MTCL1: variants seen among roughly 807,000 people sequenced by gnomAD.
The protein encoded by MTCL1 is microtubule crosslinking factor 1.
MTCL1 carries 79 observed loss-of-function variants against 141.4 expected under a neutral mutation model. That is an observed-to-expected ratio of 0.56 (90% CI 0.47 to 0.67). The LOEUF (loss-of-function observed/expected upper bound fraction) is 0.67, where lower values mean the gene tolerates loss of function less well. Among genes scored for constraint, MTCL1 ranks in the 30% least tolerant of loss-of-function variants. The pLI is 0.00. For synonymous variants in MTCL1, 914 were observed against 875.8 expected (o/e 1.04, Z -0.77); for missense variants, 2,177 against 2,113.9 (o/e 1.03, Z -0.59).
At chr18:8,766,974 T>C (rs1365570975) in intron 4 of MTCL1, among the ~76,000 whole-genome samples, 3 of 152,196 alleles carry the variant, frequency 2.0e-5, no homozygotes, top group Non-Finnish European at 4.4e-5. Flanking sequence ...TCAGAGCAGC[T>C]CTCTAGCCTC....
At chr18:8,718,751 A>G in intron 3 of MTCL1, 103 bp downstream of exon 2, 1 of 1,028,982 alleles carries the variant, frequency 9.7e-7, no homozygotes, top group East Asian at 2.4e-5. Flanking sequence ...CTGTCTCTAC[A>G]GATTGCAGCA....
intron 6 of MTCL1, 86 bp from the exon 6 acceptor site, chr18:8,785,850 C>A (rs1341562133): frequency 1.3e-6 from 2 of 1,490,502 alleles, no homozygotes; most frequent in Non-Finnish European, 1.8e-6. Context: ...CCCCTCCCTG[C>A]CTCCACCCTT....
At position 8,779,119 on chromosome 18, in the gene MTCL1, G is replaced by C. The variant is rs753398593; in HGVS notation, c.417+1227G>C. ...TGGCGCCCCGGCGCAAGGTAGGCAC[G>C]TGGGCAGTCACCCGCTCAGGGTGCT... On this transcript the variant is annotated intron_variant, in intron 5 of 16. Coordinates refer to ENST00000359865, the Ensembl canonical transcript of MTCL1. This position sits in a 1 kb window ranked among gnomAD's most constrained non-coding sequence, Gnocchi z 4.1. Among the ~76,000 whole-genome samples, 6 of 152,250 alleles carry C rather than the reference G, an allele frequency of 3.9e-5. No individual in the cohort carries two copies. Among genetic ancestry groups the C allele is most frequent in the Non-Finnish European group, 8.8e-5 (6 of 68,040 alleles).
In MTCL1 at chr18:8,733,993, A is replaced by G. The variant is rs1444862536; in HGVS notation, c.357+13497A>G. Among the ~76,000 whole-genome samples the G allele has an allele frequency of 2.6e-5, 4 of 152,332 alleles. No homozygotes were observed. The East Asian group carries it at 7.7e-4, about 29-fold the overall frequency. ...CTTATTTGTAAACGAGGTTACTCACAGGGTCACCTAAGTAATAAGGCCCAG... is the reference window on the plus strand; with the variant it reads ...CTTATTTGTAAACGAGGTTACTCACGGGGTCACCTAAGTAATAAGGCCCAG... On this transcript the variant is annotated intron_variant, in intron 4 of 16. Transcript: ENST00000359865.
intron 13 of MTCL1, among the ~76,000 whole-genome samples, chr18:8,820,396 CAAG>C (rs1247336541): frequency 1.3e-5 from 2 of 151,698 alleles, no homozygotes; most frequent in Admixed American, 1.3e-4. Context: ...GGCGACAGAG[CAAG>C]ACTCCATCCA....
exon 6 of MTCL1, chr18:8,784,684 A>T (rs377495365): frequency 2.5e-6 from 4 of 1,614,064 alleles, no homozygotes; most frequent in Non-Finnish European, 3.4e-6. Context: ...CTTTCAAGAA[A>T]GAGCTGCAGG....
intron 4 of MTCL1, among the ~76,000 whole-genome samples, chr18:8,747,042 C>T (rs2096342575): frequency 6.6e-6 from 1 of 152,170 alleles, no homozygotes; most frequent in South Asian, 2.1e-4. Flanking sequence ...GATGCTCACC[C>T]TTCCGATGTC....
intron 10 of MTCL1, among the ~76,000 whole-genome samples, chr18:8,804,677 C>G (rs993246082): frequency 1.2e-4 from 18 of 152,220 alleles, no homozygotes; most frequent in Admixed American, 6.5e-4. Context: ...TAAATATGAA[C>G]AAACTGGCCT....
intron 4 of MTCL1, among the ~76,000 whole-genome samples, chr18:8,738,975 C>T (rs777894817): frequency 2.6e-5 from 4 of 152,114 alleles, no homozygotes; most frequent in African/African-American, 7.2e-5. Context: ...TGGTGGAGCA[C>T]GCCTGTAATC....
At chr18:8,806,830 C>A in intron 10 of MTCL1, 63 bp from the exon 10 acceptor site, 1 of 1,494,346 alleles carries the variant, frequency 6.7e-7, no homozygotes, top group South Asian at 1.2e-5. Context: ...CAGATCCTCT[C>A]CTCTTCTGAC....
chr18:8,742,510 G>T (rs977500510), intron 4 of MTCL1, among the ~76,000 whole-genome samples: 3 of 152,134 alleles, frequency 2.0e-5, no homozygotes, highest in Non-Finnish European at 4.4e-5. Flanking sequence ...GAGCAAAGGG[G>T]GAAGCCCCTT....
In MTCL1 at chr18:8,828,983, G is replaced by A. The variant is rs757200189; in HGVS notation, c.*18+19G>A. 1 of 1,614,110 alleles carries A rather than the reference G, an allele frequency of 6.2e-7. No homozygotes were observed. The highest frequency in any genetic ancestry group is 8.5e-7 in the Non-Finnish European group (1 of 1,180,008). ...TCACGCTGTAAGTGCTTCCTTCCTT[G>A]TTTCCCAACTGTCTGGAGAGGTCGT... is the stretch of plus-strand genomic sequence containing the variant. On this transcript the variant is annotated intron_variant, in intron 16 of 16. Coordinates refer to ENST00000359865, the Ensembl canonical transcript of MTCL1. The surrounding 1 kb of genome is among the most constrained non-coding windows in gnomAD (Gnocchi z 5.2).
upstream of MTCL1, among the ~76,000 whole-genome samples, chr18:8,712,934 G>A (rs1468490353): frequency 6.6e-6 from 1 of 152,032 alleles, no homozygotes; most frequent in Non-Finnish European, 1.5e-5. Context: ...ACTGATTTTG[G>A]GTATTTAAAA....
At chr18:8,714,368 T>A (rs776006316), upstream of MTCL1, among the ~76,000 whole-genome samples, 12 of 152,246 alleles carry the variant, frequency 7.9e-5, no homozygotes, top group Non-Finnish European at 1.8e-4. Context: ...TTCTGTAAAT[T>A]TAGGTAAAAT....
At chr18:8,757,574 G>A (rs1184828341) in intron 4 of MTCL1, among the ~76,000 whole-genome samples, 4 of 152,240 alleles carry the variant, frequency 2.6e-5, no homozygotes, top group African/African-American at 9.6e-5. Flanking sequence ...CTGACAATCA[G>A]TCAGCAGTGA....
At chr18:8,772,033 G>A (rs952072661) in intron 4 of MTCL1, among the ~76,000 whole-genome samples, 4 of 152,338 alleles carry the variant, frequency 2.6e-5, no homozygotes, top group Non-Finnish European at 4.4e-5. Flanking sequence ...CCCAGAGTCC[G>A]GTGGCATCTA....
intron 4 of MTCL1, among the ~76,000 whole-genome samples, chr18:8,762,950 C>T (rs2096440493): frequency 6.6e-6 from 1 of 152,180 alleles, no homozygotes; most frequent in African/African-American, 2.4e-5. Flanking sequence ...AGTTATCTTT[C>T]CGTTTCTGTG....
intron 4 of MTCL1, among the ~76,000 whole-genome samples, chr18:8,749,281 A>G (rs1261942296): frequency 6.6e-6 from 1 of 152,114 alleles, no homozygotes; most frequent in Non-Finnish European, 1.5e-5. Flanking sequence ...TAATGACACT[A>G]TATCAGGGTG....
intron 5 of MTCL1, among the ~76,000 whole-genome samples, chr18:8,778,328 A>G (rs999530107): frequency 2.0e-5 from 3 of 152,202 alleles, no homozygotes; most frequent in Non-Finnish European, 2.9e-5. Context: ...GAATGGTCCT[A>G]ATTGAAGGTA....
Sources: gnomAD v4.1 joint callset for allele counts (sites outside exome capture counted in the v4.1 genomes callset) on GRCh38, gnomAD v4.1.1 for gene constraint, Gnocchi (gnomAD v3.1) non-coding constraint, MANE v1.5 for transcripts, NCBI Gene and HGNC (gene_info 2026-07-23, HGNC 2026-07-21) for gene names.